The following CHCHD3 variants were observed in gnomAD, a reference collection of about 807,000 sequenced individuals.
The protein encoded by CHCHD3 is coiled-coil-helix-coiled-coil-helix domain containing 3, also known as MICOS complex subunit MIC19.
CHCHD3 carries 20 observed loss-of-function variants against 38.2 expected under a neutral mutation model. The ratio of observed to expected loss-of-function variants is 0.52; its 90% CI spans 0.37 to 0.76. CHCHD3 has a LOEUF of 0.76. CHCHD3 is among the 30% of genes least tolerant of loss of function. The pLI, the probability that CHCHD3 is intolerant of heterozygous loss-of-function variation, is 0.00. For missense variants in CHCHD3, 245 were observed against 279.2 expected (o/e 0.88, Z 0.87); for synonymous variants, 82 against 100.0 (o/e 0.82, Z 1.07).
chr7:132,957,905 T>C (rs1346470217), intron 4 of CHCHD3, among the ~76,000 whole-genome samples: 4 of 152,196 alleles, frequency 2.6e-5, no homozygotes, highest in African/African-American at 9.6e-5. Flanking sequence ...TGGATGAACT[T>C]AGTATTGCAC....
chr7:132,919,678 G>C (rs1161747156), intron 4 of CHCHD3, among the ~76,000 whole-genome samples: 1 of 152,174 alleles, frequency 6.6e-6, no homozygotes, highest in Non-Finnish European at 1.5e-5. Context: ...CAACAAATGA[G>C]AGTCTTTCGT....
chr7:133,046,712 G>A (rs1813997173), intron 2 of CHCHD3, among the ~76,000 whole-genome samples: 1 of 152,030 alleles, frequency 6.6e-6, no homozygotes, highest in Admixed American at 6.6e-5. Context: ...ACAGGCGCCC[G>A]CCACCACACC....
chr7:132,875,290 AC>A (rs1425363797), intron 5 of CHCHD3, among the ~76,000 whole-genome samples: 1 of 152,098 alleles, frequency 6.6e-6, no homozygotes, highest in Admixed American at 6.6e-5. Flanking sequence ...TGGCCATGGA[AC>A]CCACCCCATT....
At chr7:132,954,958 C>T (rs748921490) in intron 4 of CHCHD3, among the ~76,000 whole-genome samples, 9 of 152,064 alleles carry the variant, frequency 5.9e-5, no homozygotes, top group African/African-American at 9.7e-5. Context: ...TACCATGTAC[C>T]GCAGAGATGG....
At chr7:132,952,668 C>T (rs1811060463) in intron 4 of CHCHD3, among the ~76,000 whole-genome samples, 3 of 152,310 alleles carry the variant, frequency 2.0e-5, no homozygotes, top group African/African-American at 7.2e-5. Context: ...GCTGATCATA[C>T]GTGTCTGATA....
At position 132,846,813 on chromosome 7, in the gene CHCHD3, C is replaced by G. The variant is rs540565742; in HGVS notation, c.454-8344G>C. On this transcript the variant is annotated intron_variant, in intron 5 of 7. Coordinates refer to ENST00000262570, the MANE Select transcript of CHCHD3 (RefSeq NM_017812.4). ...TAATGAGGATGAAAAGAAATACTACCTTTATTATATCTACTACAAATTGAC... is the reference window on the plus strand; with the variant it reads ...TAATGAGGATGAAAAGAAATACTACGTTTATTATATCTACTACAAATTGAC... Among the ~76,000 whole-genome samples the G allele has an allele frequency of 2.0e-5, 3 of 152,232 alleles. No individual in the cohort carries two copies. The South Asian group carries it at 6.2e-4, about 32-fold the overall frequency.
intron 4 of CHCHD3, among the ~76,000 whole-genome samples, chr7:132,888,940 T>C (rs1278349970): frequency 2.0e-5 from 3 of 151,974 alleles, no homozygotes; most frequent in Non-Finnish European, 2.9e-5. Flanking sequence ...AAGTGTAAAG[T>C]ATGGTAAGAT....
intron 6 of CHCHD3, among the ~76,000 whole-genome samples, chr7:132,818,940 C>A (rs1465149756): frequency 6.6e-6 from 1 of 152,168 alleles, no homozygotes; most frequent in Non-Finnish European, 1.5e-5. Context: ...TAATGTCCAA[C>A]AAAAATCAGC....
At chr7:133,071,401 C>T (rs1339942447) in intron 1 of CHCHD3, among the ~76,000 whole-genome samples, 2 of 152,110 alleles carry the variant, frequency 1.3e-5, no homozygotes, top group African/African-American at 4.8e-5. Context: ...GTAGAGATTC[C>T]AAATTTTGAA....
At chr7:132,975,375 C>A in intron 3 of CHCHD3, 89 bp from the exon 4 acceptor site, 2 of 1,138,422 alleles carry the variant, frequency 1.8e-6, no homozygotes, top group Admixed American at 4.1e-5. Flanking sequence ...AAAATAGAAA[C>A]ACATAGCCAA....
Position 132,978,228 on chromosome 7 carries a change from C to T in CHCHD3, c.252-2942G>A, listed in dbSNP as rs115451661. ...GAATACAGAGAAAGCAGTGATTTTA[C>T]GAAATGAAGAAGACAATCTCCAAAT... On this transcript the variant is annotated intron_variant, in intron 3 of 7. Transcript: ENST00000262570. Among the ~76,000 whole-genome samples, 328 of 152,258 alleles carry T rather than the reference C, an allele frequency of 2.2e-3. 2 individuals are homozygous for T. The highest frequency in any genetic ancestry group is 7.5e-3 in the African/African-American group (310 of 41,546).
At chr7:132,916,167 T>A (rs1332318796) in intron 4 of CHCHD3, among the ~76,000 whole-genome samples, 1 of 152,170 alleles carries the variant, frequency 6.6e-6, no homozygotes, top group African/African-American at 2.4e-5. Context: ...CCATTTTGAT[T>A]TTAAAAATCC....
intron 2 of CHCHD3, among the ~76,000 whole-genome samples, chr7:133,061,654 G>A (rs1280885672): frequency 1.3e-5 from 2 of 152,080 alleles, no homozygotes; most frequent in Non-Finnish European, 2.9e-5. Flanking sequence ...CAAACACCTT[G>A]TATCTTTATA....
chr7:132,852,492 A>C (rs1237044784), intron 5 of CHCHD3, among the ~76,000 whole-genome samples: 1 of 152,240 alleles, frequency 6.6e-6, no homozygotes, highest in Non-Finnish European at 1.5e-5. Flanking sequence ...GACCGAAAAT[A>C]TGATTATAGT....
At chr7:132,905,621 GA>G (rs958758667) in intron 4 of CHCHD3, among the ~76,000 whole-genome samples, 15 of 147,336 alleles carry the variant, frequency 1.0e-4, no homozygotes, top group East Asian at 4.0e-4. Context: ...CCTAATTAAA[GA>G]AAAAAAAAAC....
intron 6 of CHCHD3, among the ~76,000 whole-genome samples, chr7:132,814,428 T>C (rs1273871446): frequency 6.6e-6 from 1 of 152,176 alleles, no homozygotes; most frequent in Non-Finnish European, 1.5e-5. Flanking sequence ...AAAGTGCTAA[T>C]GATGATTTCA....
At chr7:132,955,076 T>C (rs536877862) in intron 4 of CHCHD3, among the ~76,000 whole-genome samples, 1 of 152,162 alleles carries the variant, frequency 6.6e-6, no homozygotes, top group African/African-American at 2.4e-5. Flanking sequence ...AAATGGGCCT[T>C]AGCCCAGGGA....
At chr7:133,010,758 T>C (rs1812846455) in intron 3 of CHCHD3, among the ~76,000 whole-genome samples, 1 of 152,090 alleles carries the variant, frequency 6.6e-6, no homozygotes, top group Non-Finnish European at 1.5e-5. Flanking sequence ...TTTGTATTTT[T>C]AGTAGACATA....
chr7:133,004,724 G>A (rs954377549), intron 3 of CHCHD3, among the ~76,000 whole-genome samples: 3 of 152,162 alleles, frequency 2.0e-5, no homozygotes, highest in Non-Finnish European at 4.4e-5. Context: ...AGGAGAGTGG[G>A]CAAACTTTTT....
Sources: gnomAD v4.1 joint callset for allele counts (sites outside exome capture counted in the v4.1 genomes callset) on GRCh38, gnomAD v4.1.1 for gene constraint, MANE v1.5 for transcripts, NCBI Gene and HGNC (gene_info 2026-07-23, HGNC 2026-07-21) for gene names.